Variants in UGT1A4 observed in about 807,000 individuals in gnomAD.
The protein encoded by UGT1A4 is UDP glucuronosyltransferase family 1 member A4.
Under a neutral mutation model 41.1 loss-of-function variants are expected in UGT1A4, and 32 were observed. The ratio of observed to expected loss-of-function variants is 0.78; its 90% confidence interval spans 0.59 to 1.05. UGT1A4 has a LOEUF of 1.05. Ranked by LOEUF, UGT1A4 falls within the 50% of genes least tolerant of loss-of-function variation. The probability of loss-of-function intolerance (pLI) is 0.00; values close to 1 mark genes in which losing one functional copy is unlikely to be tolerated. For missense variants in UGT1A4, 748 were observed against 677.4 expected, an observed-to-expected ratio of 1.10 and a Z score of -1.16; for synonymous variants, 283 against 265.1, an observed-to-expected ratio of 1.07 and a Z score of -0.66.
chr2:233,722,101 G>T, intron 1 of UGT1A4: 1 of 200,878 alleles, frequency 5.0e-6, no homozygotes, highest in East Asian at 1.4e-4. Context: ...AGGCCTCTTA[G>T]AGGAAGAGCT....
Position 233,768,444 on chromosome 2 carries a change from G to T in UGT1A4, c.1307+5G>T. 3.7e-6 allele frequency: 6 copies of T among 1,612,940 alleles called. No homozygotes were observed. The highest frequency in any genetic ancestry group is 5.1e-6 in the Non-Finnish European group (6 of 1,179,422). Reference sequence around the variant, plus strand: ...AGCAGTCATCAATGACAAAAGGTAAGAAAGAAGATACAGAAGAATACTTTG... The same window carrying T: ...AGCAGTCATCAATGACAAAAGGTAATAAAGAAGATACAGAAGAATACTTTG... On this transcript the variant is annotated splice_donor_5th_base_variant and intron_variant, in intron 4 of 4. Coordinates refer to ENST00000373409, the MANE Select transcript of UGT1A4 (RefSeq NM_007120.3).
At chr2:233,732,759 T>C (rs1404130009) in intron 1 of UGT1A4, among the ~76,000 whole-genome samples, 2 of 151,674 alleles carry the variant, frequency 1.3e-5, no homozygotes, top group Non-Finnish European at 2.9e-5. Context: ...AGCTTTGTTT[T>C]TTTTTTTTTT....
intron 1 of UGT1A4, among the ~76,000 whole-genome samples, chr2:233,726,525 T>C (rs979255090): frequency 7.9e-5 from 12 of 152,244 alleles, no homozygotes; most frequent in Non-Finnish European, 1.5e-4. Context: ...TTTCCACTTT[T>C]AGGGAGATGC....
chr2:233,757,549 T>C lies in UGT1A4; in HGVS notation c.868-9485T>C, dbSNP rs1446411737. Among the ~76,000 whole-genome samples, 177 of 133,748 alleles carry C rather than the reference T, an allele frequency of 1.3e-3. 1 individual carries two copies. The highest frequency in any genetic ancestry group is 1.5e-3 in the Non-Finnish European group (97 of 64,202). The allele number at this position is 133,748 out of a possible 152,430, so 87.7% of individuals were successfully genotyped here. ...TGCCTGTAAGGAATATATATATATATATATATATATATGTATATATGATAT... is the reference window on the plus strand; with the variant it reads ...TGCCTGTAAGGAATATATATATATACATATATATATATGTATATATGATAT... On this transcript the variant is annotated intron_variant, in intron 1 of 4. Transcript: ENST00000373409.
At chr2:233,747,222 A>G (rs2125883623) in intron 1 of UGT1A4, 4 of 1,605,292 alleles carry the variant, frequency 2.5e-6, no homozygotes, top group Middle Eastern at 4.1e-4. Flanking sequence ...AGATGGCCAC[A>G]GGACCCCAGG....
In UGT1A4 at chr2:233,718,857, G is replaced by A. The variant is rs1210101221; in HGVS notation, c.37G>A (p.Ala13Thr). 8 of 1,613,658 alleles carry A rather than the reference G, an allele frequency of 5.0e-6. No individual in the cohort carries two copies. The highest frequency in any genetic ancestry group is 6.8e-6 in the Non-Finnish European group (8 of 1,179,948). ...RGLQVPLPRLATGLLLLLSVQ... is the reference protein window; with the variant it reads ...RGLQVPLPRLTTGLLLLLSVQ... ...ACTCCAGGTTCCCCTGCCGCGGCTGGCCACAGGACTGCTGCTCCTCCTCAG... is the reference window on the plus strand; with the variant it reads ...ACTCCAGGTTCCCCTGCCGCGGCTGACCACAGGACTGCTGCTCCTCCTCAG... The change falls in exon 1 of 5, where the codon GCC becomes ACC. Residue 13 changes from alanine to threonine, a missense_variant. Coordinates refer to ENST00000373409, the MANE Select transcript of UGT1A4 (RefSeq NM_007120.3).
At chr2:233,726,154 A>C (rs1401315695) in intron 1 of UGT1A4, among the ~76,000 whole-genome samples, 3 of 152,336 alleles carry the variant, frequency 2.0e-5, no homozygotes, top group Middle Eastern at 3.4e-3. Flanking sequence ...TGACAGAGTG[A>C]GGCCCCATTT....
chr2:233,754,974 ACCTCGG>A (rs1369157258), intron 1 of UGT1A4: 6 of 1,299,856 alleles, frequency 4.6e-6, no homozygotes, highest in Non-Finnish European at 6.2e-6. Context: ...CTCCCTGAAG[ACCTCGG>A]CGGGGTCACG....
At chr2:233,740,640 G>C (rs1049761331) in intron 1 of UGT1A4, 2 of 151,736 alleles carry the variant, frequency 1.3e-5, no homozygotes, top group Admixed American at 1.3e-4. Flanking sequence ...GCCTTTCCTT[G>C]CCCAGTGTAC....
Position 233,718,890 on chromosome 2 carries a change from C to T in UGT1A4, c.70C>T (p.Pro24Ser), listed in dbSNP as rs6755571. The T allele has an allele frequency of 2.5e-6, 4 of 1,613,968 alleles. No individual in the cohort carries two copies. The highest frequency in any genetic ancestry group is 2.2e-5 in the East Asian group (1 of 44,882). The part of the protein sequence containing the change: ...TGLLLLLSVQ[P>S]WAESGKVLVV... The stretch of plus-strand genomic sequence containing the variant: ...ACTGCTGCTCCTCCTCAGTGTCCAG[C>T]CCTGGGCTGAGAGTGGAAAGGTGTT... Residue 24 changes from proline to serine, a missense_variant, in exon 1 of 5, where the codon CCC becomes TCC. Transcript: ENST00000373409.
intron 1 of UGT1A4, chr2:233,721,814 C>T: frequency 1.9e-6 from 1 of 515,666 alleles, no homozygotes; most frequent in Non-Finnish European, 3.9e-6. Flanking sequence ...AAAAATCCAG[C>T]ACCCTATTTG....
Position 233,772,855 on chromosome 2 carries a change from A to T in UGT1A4, c.*296A>T, listed in dbSNP as rs1237319377. On this transcript the variant is annotated 3_prime_UTR_variant, in exon 5 of 5. Transcript: ENST00000373409. ...TTCTAGATTACTTTTCTTACTCTGA[A>T]ACATGGCCTGTTTGGGAGTGCGGGA... 3 of 732,688 alleles carry T rather than the reference A, an allele frequency of 4.1e-6. No homozygotes were observed. Among genetic ancestry groups the T allele is most frequent in the Non-Finnish European group, 5.9e-6 (3 of 506,184 alleles). 45.4% of individuals were successfully genotyped at this position (732,688 alleles called of 1,614,324 possible). A position where few individuals can be genotyped will look rare whatever the true frequency, so the allele number is the denominator to read the frequency against.
intron 1 of UGT1A4, among the ~76,000 whole-genome samples, chr2:233,724,799 C>G (rs559235136): frequency 7.2e-6 from 1 of 139,172 alleles, no homozygotes; most frequent in Non-Finnish European, 1.5e-5. Flanking sequence ...GACGGGGTGG[C>G]GGCCGGGCAG....
At chr2:233,724,300 C>A (rs1204740758) in intron 1 of UGT1A4, among the ~76,000 whole-genome samples, 1 of 143,820 alleles carries the variant, frequency 7.0e-6, no homozygotes, top group Non-Finnish European at 1.5e-5. Context: ...GACCCCCCCA[C>A]CTCCCTCCCG....
At position 233,764,188 on chromosome 2, in the gene UGT1A4, A is replaced by G. The variant is rs1395608589; in HGVS notation, c.868-2846A>G. ...TCAGAACAGGGAAATTCTCTCATTCAGGGGCATCTCATCTTTTCTTTGAAG... is the reference window on the plus strand; with the variant it reads ...TCAGAACAGGGAAATTCTCTCATTCGGGGGCATCTCATCTTTTCTTTGAAG... On this transcript the variant is annotated intron_variant, in intron 1 of 4. Transcript: ENST00000373409. Among the ~76,000 whole-genome samples, 3 of 152,296 alleles carry G rather than the reference A, an allele frequency of 2.0e-5. No individual in the cohort carries two copies. The East Asian group carries it at 5.8e-4, about 29-fold the overall frequency.
rs773213473 is a variant in UGT1A4 at position 233,743,806 on chromosome 2, C to T, written c.868-23228C>T. 2.9e-6 allele frequency: 4 copies of T among 1,367,218 alleles called. No individual in the cohort carries two copies. The South Asian group carries it at 4.5e-5, about 16-fold the overall frequency. The allele number at this position is 1,367,218 out of a possible 1,614,324, so 84.7% of individuals were successfully genotyped here. On this transcript the variant is annotated intron_variant, in intron 1 of 4. Coordinates refer to ENST00000373409, the MANE Select transcript of UGT1A4 (RefSeq NM_007120.3). ...ATCTCCTCTCCGCTTCCTCCTTGTT[C>T]TCAGGGTTTTTGTCGGGGTGCCACT...
intron 1 of UGT1A4, among the ~76,000 whole-genome samples, chr2:233,751,496 T>G (rs189001401): frequency 2.2e-4 from 34 of 152,268 alleles, no homozygotes; most frequent in African/African-American, 7.9e-4. Context: ...GACATGAGAT[T>G]TGGGAGGGGC....
In UGT1A4 at chr2:233,761,530, G is replaced by A. The variant is rs544153828; in HGVS notation, c.868-5504G>A. Among the ~76,000 whole-genome samples, 10 of 152,346 alleles carry A rather than the reference G, an allele frequency of 6.6e-5. No homozygotes were observed. In the East Asian group the frequency reaches 9.7e-4, roughly 15 times the overall value. ...CAGGCAGGCAATGTTCAGGACTGAT[G>A]AAATCATTCTTTGATGATGATAGAT... On this transcript the variant is annotated intron_variant, in intron 1 of 4. Coordinates refer to ENST00000373409, the MANE Select transcript of UGT1A4 (RefSeq NM_007120.3).
Position 233,772,513 on chromosome 2 carries a change from G to C in UGT1A4, c.1559G>C (p.Gly520Ala), listed in dbSNP as rs867885761. ...CCAYGYRKCL[G>A]KKGRVKKAHK... ...GCTTATGGCTACCGGAAATGCTTGG[G>C]GAAAAAAGGGCGAGTTAAGAAAGCC... The change falls in exon 5 of 5, where the codon GGG (glycine) becomes GCG (alanine). Residue 520 changes from glycine to alanine, a missense_variant. Gly to Ala is a moderately conservative substitution (Grantham distance 60). Transcript: ENST00000373409. 26 of 1,614,000 alleles carry C rather than the reference G, an allele frequency of 1.6e-5. 1 individual carries two copies. In the East Asian group the frequency reaches 5.6e-4, roughly 35 times the overall value.
Sources: gnomAD v4.1 joint callset for allele counts (sites outside exome capture counted in the v4.1 genomes callset) on GRCh38, gnomAD v4.1.1 for gene constraint, MANE v1.5 for transcripts, NCBI Gene and HGNC (gene_info 2026-07-23, HGNC 2026-07-21) for gene names.